SULF2: variants seen among roughly 807,000 people sequenced by gnomAD.
SULF2 encodes the protein extracellular sulfatase Sulf-2.
In SULF2, 52 loss-of-function variants were observed where a neutral mutation model predicts 107.7. That is an observed-to-expected ratio of 0.48 (90% CI 0.39 to 0.61). SULF2 has a LOEUF of 0.61. SULF2 is among the 20% of genes least tolerant of loss of function. The pLI is 0.00. For missense variants in SULF2, 993 were observed against 1,177.3 expected, an observed-to-expected ratio of 0.84 and a Z score of 2.29; for synonymous variants, 460 against 464.3, an observed-to-expected ratio of 0.99 and a Z score of 0.12.
intron 8 of SULF2, among the ~76,000 whole-genome samples, chr20:47,677,587 T>G (rs1307619568): frequency 1.3e-5 from 2 of 152,200 alleles, no homozygotes; most frequent in African/African-American, 2.4e-5. Flanking sequence ...TCAGGCGCAG[T>G]GGTTGCCTTG....
At chr20:47,741,703 G>C (rs1029981996) in intron 2 of SULF2, among the ~76,000 whole-genome samples, 5 of 152,178 alleles carry the variant, frequency 3.3e-5, no homozygotes, top group Non-Finnish European at 7.3e-5. Flanking sequence ...ACACGAAGGA[G>C]AAAGGACGAA....
chr20:47,664,286 G>T, intron 14 of SULF2, 97 bp from the exon 15 acceptor site: 1 of 1,230,042 alleles, frequency 8.1e-7, no homozygotes, highest in Non-Finnish European at 1.2e-6. Context: ...ATGTGTTGCT[G>T]CTGCCCCACC....
intron 4 of SULF2, among the ~76,000 whole-genome samples, chr20:47,700,637 C>CTTTTTTTTTTTTTT (rs59966689): frequency 3.2e-5 from 4 of 126,208 alleles, no homozygotes; most frequent in Non-Finnish European, 3.2e-5. Flanking sequence ...GGTGCAACAT[C>CTTTTTTTTTTTTTT]TTTTTTTTTT....
At chr20:47,736,054 A>G (rs907290152) in intron 3 of SULF2, among the ~76,000 whole-genome samples, 1 of 152,310 alleles carries the variant, frequency 6.6e-6, no homozygotes, top group African/African-American at 2.4e-5. Flanking sequence ...GGGTTTTGCA[A>G]TGGCGCTACA....
intron 14 of SULF2, among the ~76,000 whole-genome samples, chr20:47,664,444 A>G (rs1246165221): frequency 1.3e-5 from 2 of 152,218 alleles, no homozygotes; most frequent in African/African-American, 4.8e-5. Context: ...GTTAATTGTA[A>G]TTTAGCCACG....
Position 47,665,229 on chromosome 20 carries a change from C to A in SULF2, c.1967G>T (p.Arg656Leu). The A allele has an allele frequency of 6.2e-7, 1 of 1,614,090 alleles. No homozygotes were observed. The highest frequency in any genetic ancestry group is 8.5e-7 in the Non-Finnish European group (1 of 1,179,918). Reference sequence around the variant, plus strand: ...TTTGTGACAGTCACATTCTTCTGGCCGCTTTTTCTTCAGGTGACCTCGGAC... The same window carrying A: ...TTTGTGACAGTCACATTCTTCTGGCAGCTTTTTCTTCAGGTGACCTCGGAC... ...REVRGHLKKKRPEECDCHKIS... is the reference protein window; with the variant it reads ...REVRGHLKKKLPEECDCHKIS... Residue 656 changes from arginine (R) to leucine (L), a missense_variant, in exon 14 of 21, where the codon CGG becomes CTG. Arg to Leu is a moderately radical substitution (Grantham distance 102). This residue lies in a region of SULF2 where 497 missense variants were observed against 544.1 expected (regional missense o/e 0.91). Coordinates refer to ENST00000688720, the MANE Select transcript of SULF2 (RefSeq NM_001387048.1).
At chr20:47,722,286 T>C (rs1476764306) in intron 3 of SULF2, among the ~76,000 whole-genome samples, 1 of 152,188 alleles carries the variant, frequency 6.6e-6, no homozygotes. Context: ...TTCGTTTGAG[T>C]TGAGGTTTCA....
chr20:47,682,294 C>T (rs2087847614), intron 7 of SULF2, among the ~76,000 whole-genome samples: 1 of 152,186 alleles, frequency 6.6e-6, no homozygotes, highest in Non-Finnish European at 1.5e-5. Context: ...TGTGTGTTCC[C>T]ACATCTGGGC....
In SULF2 at chr20:47,724,848, C is replaced by A. The variant is rs75435470; in HGVS notation, c.415+11855G>T. The stretch of plus-strand genomic sequence containing the variant: ...AAGAGCTGTTCTCAGCGCCATCAGA[C>A]TGACCTCCCATTTCTATGACAAATA... On this transcript the variant is annotated intron_variant, in intron 3 of 20. Transcript: ENST00000688720. 8.7e-4 allele frequency among the ~76,000 whole-genome samples: 133 copies of A among 152,338 alleles called. 1 individual carries two copies. Among genetic ancestry groups the A allele is most frequent in the East Asian group, 8.7e-3 (45 of 5,186 alleles).
chr20:47,722,552 G>C (rs147754442), intron 3 of SULF2, among the ~76,000 whole-genome samples: 1 of 151,578 alleles, frequency 6.6e-6, no homozygotes, highest in Admixed American at 6.6e-5. Flanking sequence ...GTGAGCCACC[G>C]TGCCTGGCCT....
At chr20:47,719,642 A>C (rs927556917) in intron 3 of SULF2, among the ~76,000 whole-genome samples, 5 of 152,224 alleles carry the variant, frequency 3.3e-5, no homozygotes, top group African/African-American at 1.2e-4. Context: ...TATTCTAATA[A>C]ATCCTGGGGG....
intron 17 of SULF2, 151 bp from the exon 18 acceptor site, chr20:47,662,047 C>T (rs187278799): frequency 1.8e-5 from 14 of 791,510 alleles, no homozygotes; most frequent in African/African-American, 1.4e-4. Context: ...CAAGAGCCAG[C>T]GTTTGGAAGA....
chr20:47,729,695 G>A (rs1158046905), intron 3 of SULF2, among the ~76,000 whole-genome samples: 2 of 152,236 alleles, frequency 1.3e-5, no homozygotes, highest in African/African-American at 4.8e-5. Context: ...GGGGGACCAG[G>A]AAGTGATGCT....
intron 2 of SULF2, among the ~76,000 whole-genome samples, chr20:47,754,876 C>T (rs1181091216): frequency 6.6e-6 from 1 of 152,138 alleles, no homozygotes; most frequent in Non-Finnish European, 1.5e-5. Context: ...TGTTCTATTG[C>T]CCAGGCTAGA....
chr20:47,756,390 C>G lies in SULF2; in HGVS notation c.175+799G>C, dbSNP rs79002266. 6.1e-3 allele frequency among the ~76,000 whole-genome samples: 929 copies of G among 152,316 alleles called. 5 individuals carry two copies. Among genetic ancestry groups the G allele is most frequent in the Middle Eastern group, 0.01 (3 of 294 alleles). On this transcript the variant is annotated intron_variant, in intron 2 of 20. Transcript: ENST00000688720. ...AAGCTCCCGGAGGAAAAAAACTATA[C>G]TTGTGATCATTAATACAAAGCATTG...
chr20:47,760,237 C>T (rs530508896), intron 1 of SULF2, among the ~76,000 whole-genome samples: 12 of 152,308 alleles, frequency 7.9e-5, no homozygotes, highest in Admixed American at 2.0e-4. Flanking sequence ...TGCTTGGCAC[C>T]CTGGGAGGCT....
Position 47,678,627 on chromosome 20 carries a change from G to A in SULF2, c.1193+49C>T, listed in dbSNP as rs190609803. ...CCACAGGGTTTTGCTCTGAGTTCCC[G>A]CAGGTCAATGTCCCGGCCCCCTCAA... On this transcript the variant is annotated intron_variant, in intron 8 of 20. Transcript: ENST00000688720. This position sits in a 1 kb window ranked among gnomAD's most constrained non-coding sequence, Gnocchi z 4.5. 1.4e-5 allele frequency: 22 copies of A among 1,606,136 alleles called. No individual in the cohort carries two copies. Among genetic ancestry groups the A allele is most frequent in the East Asian group, 2.2e-5 (1 of 44,720 alleles).
In SULF2 at chr20:47,698,504, A is replaced by T. The variant is rs527768465; in HGVS notation, c.567+4015T>A. ...AGGATATAAGGAAGGCCGCACTGCTACCAGGAGGAGAGAGAGCTTCTGTGA... is the reference window on the plus strand; with the variant it reads ...AGGATATAAGGAAGGCCGCACTGCTTCCAGGAGGAGAGAGAGCTTCTGTGA... On this transcript the variant is annotated intron_variant, in intron 4 of 20. Coordinates refer to ENST00000688720, the MANE Select transcript of SULF2 (RefSeq NM_001387048.1). 1.1e-4 allele frequency among the ~76,000 whole-genome samples: 17 copies of T among 151,156 alleles called. No homozygotes were observed. The East Asian group carries it at 2.7e-3, about 24-fold the overall frequency.
chr20:47,746,984 A>ATAAT (rs1487524104), intron 2 of SULF2, among the ~76,000 whole-genome samples: 13 of 29,404 alleles, frequency 4.4e-4, no homozygotes, highest in Non-Finnish European at 5.5e-4. Flanking sequence ...TAAATAAATA[A>ATAAT]AAAAAAAAAA....
Sources: gnomAD v4.1 joint callset for allele counts (sites outside exome capture counted in the v4.1 genomes callset) on GRCh38, gnomAD v4.1.1 for gene constraint, gnomAD v4.1.1 regional missense constraint, Gnocchi (gnomAD v3.1) non-coding constraint, MANE v1.5 for transcripts, NCBI Gene and HGNC (gene_info 2026-07-23, HGNC 2026-07-21) for gene names.